Variants in TBXAS1 observed in about 807,000 individuals in gnomAD.
TBXAS1 encodes thromboxane-A synthase.
A neutral mutation model predicts 60.7 loss-of-function variants in TBXAS1; 48 were observed. The observed-to-expected ratio is 0.79, with a 90% confidence interval of 0.63 to 1.01. The LOEUF is 1.01. Ranked by LOEUF, TBXAS1 falls within the 50% of genes least tolerant of loss-of-function variation. TBXAS1 has a pLI of 0.00. For synonymous variants in TBXAS1, 287 were observed against 269.7 expected (o/e 1.06, Z -0.63); for missense variants, 685 against 686.3 (o/e 1.00, Z 0.02).
At chr7:139,969,283 A>C (rs898804456) in intron 9 of TBXAS1, among the ~76,000 whole-genome samples, 6 of 152,160 alleles carry the variant, frequency 3.9e-5, no homozygotes, top group Non-Finnish European at 5.9e-5. Context: ...TGTAACCATT[A>C]TAAATATCTA....
chr7:139,839,181 T>A lies in TBXAS1; in HGVS notation c.89+9702T>A, dbSNP rs375754409. On this transcript the variant is annotated intron_variant, in intron 1 of 12. Coordinates refer to ENST00000448866, the MANE Select transcript of TBXAS1 (RefSeq NM_001061.7). ...TGGATTTCTTTCTGGGATGGGGTTG[T>A]GGGTGATTTCTTTTCCCTTCTTTTA... Among the ~76,000 whole-genome samples the A allele has an allele frequency of 9.9e-5, 15 of 152,284 alleles. No homozygotes were observed. In the South Asian group the frequency reaches 3.1e-3, roughly 32 times the overall value.
intron 11 of TBXAS1, among the ~76,000 whole-genome samples, chr7:140,016,131 A>G (rs1393180827): frequency 2.0e-5 from 3 of 152,048 alleles, no homozygotes; most frequent in Non-Finnish European, 2.9e-5. Flanking sequence ...GATCGAGACC[A>G]TCCTGGCTAA....
intron 1 of TBXAS1, among the ~76,000 whole-genome samples, chr7:139,832,594 C>G (rs1365417197): frequency 6.6e-6 from 1 of 152,180 alleles, no homozygotes; most frequent in South Asian, 2.1e-4. Flanking sequence ...CATCCAAATA[C>G]AAGAAGCACA....
chr7:139,866,632 C>T (rs1451156927), intron 1 of TBXAS1, among the ~76,000 whole-genome samples: 2 of 151,582 alleles, frequency 1.3e-5, no homozygotes, highest in South Asian at 4.2e-4. Context: ...GTTGCGCACA[C>T]CTGTAGTCCC....
At chr7:139,842,130 GT>G (rs1799491008) in intron 1 of TBXAS1, among the ~76,000 whole-genome samples, 2 of 152,128 alleles carry the variant, frequency 1.3e-5, no homozygotes, top group South Asian at 2.1e-4. Context: ...ATACGAGTTG[GT>G]TTTTGGTTTT....
intron 1 of TBXAS1, among the ~76,000 whole-genome samples, chr7:139,860,463 T>G (rs1800884296): frequency 6.6e-6 from 1 of 152,240 alleles, no homozygotes; most frequent in Non-Finnish European, 1.5e-5. Flanking sequence ...CCTCTGGAAC[T>G]TGTGAATGCA....
At position 139,918,536 on chromosome 7, in the gene TBXAS1, T is replaced by C. The variant is rs80191862; in HGVS notation, c.333+7215T>C. On this transcript the variant is annotated intron_variant, in intron 4 of 12. Transcript: ENST00000448866. ...TGCTGAGATCTGTTGGAGAGTTTCC[T>C]GCAAAGATAAGAGTTAACAAGCCCC... is the stretch of plus-strand genomic sequence containing the variant. Among the ~76,000 whole-genome samples, 216 of 152,310 alleles carry C rather than the reference T, an allele frequency of 1.4e-3. 4 individuals are homozygous for C. The East Asian group carries it at 0.034, about 24-fold the overall frequency.
rs531712426 is a variant in TBXAS1, at chr7:139,982,826, C to T, written c.1134+20593C>T. ...GGTTTTTTAAAATCTACTTTACAAA[C>T]GAGGAAATGTATCGGGTTCCTTAAG... On this transcript the variant is annotated intron_variant, in intron 9 of 12. Transcript: ENST00000448866. Among the ~76,000 whole-genome samples the T allele has an allele frequency of 7.9e-5, 12 of 152,202 alleles. No homozygotes were observed. In the South Asian group the frequency reaches 1.9e-3, roughly 24 times the overall value.
upstream of TBXAS1, among the ~76,000 whole-genome samples, chr7:139,826,039 T>G (rs1798428321): frequency 6.6e-6 from 1 of 152,184 alleles, no homozygotes; most frequent in African/African-American, 2.4e-5. Context: ...TTTCTGAGCA[T>G]CTTGGTTATA....
chr7:139,876,478 G>A (rs763977834), intron 3 of TBXAS1, among the ~76,000 whole-genome samples: 2 of 152,028 alleles, frequency 1.3e-5, no homozygotes, highest in East Asian at 3.9e-4. Flanking sequence ...TAGACCTCTG[G>A]GTCAGCGATC....
intron 3 of TBXAS1, among the ~76,000 whole-genome samples, chr7:139,880,972 A>G (rs1308997626): frequency 6.6e-6 from 1 of 152,222 alleles, no homozygotes; most frequent in African/African-American, 2.4e-5. Flanking sequence ...TGTGGTCACA[A>G]TTTTAAATCT....
At position 139,849,215 on chromosome 7, in the gene TBXAS1, C is replaced by T. The variant is rs574809518; in HGVS notation, c.89+19736C>T. On this transcript the variant is annotated intron_variant, in intron 1 of 12. Transcript: ENST00000448866. ...GCAATATAGGAAGTCTCCGTCTCTACAGAAAATACAACAATTAGCCAGGTG... is the reference window on the plus strand; with the variant it reads ...GCAATATAGGAAGTCTCCGTCTCTATAGAAAATACAACAATTAGCCAGGTG... Among the ~76,000 whole-genome samples the T allele has an allele frequency of 9.9e-5, 15 of 151,936 alleles. No homozygotes were observed. The South Asian group carries it at 3.1e-3, about 32-fold the overall frequency.
chr7:139,982,013 G>A (rs919346239), intron 9 of TBXAS1, among the ~76,000 whole-genome samples: 4 of 152,194 alleles, frequency 2.6e-5, no homozygotes, highest in Non-Finnish European at 5.9e-5. Flanking sequence ...GTAGTTTGAA[G>A]CAGTTAAAAG....
At chr7:139,823,611 G>A (rs1798358910) in intron 4 of TBXAS1, among the ~76,000 whole-genome samples, 1 of 152,072 alleles carries the variant, frequency 6.6e-6, no homozygotes, top group Non-Finnish European at 1.5e-5. Flanking sequence ...GTAAACATCA[G>A]AATAAACGAT....
intron 5 of TBXAS1, among the ~76,000 whole-genome samples, chr7:139,943,843 T>A (rs1055805252): frequency 6.6e-6 from 1 of 152,150 alleles, no homozygotes; most frequent in Non-Finnish European, 1.5e-5. Flanking sequence ...GGTCACCAGT[T>A]TAGAGCACTT....
rs117262762 is a variant in TBXAS1 at position 139,891,862 on chromosome 7, G to T, written c.236+16225G>T. 6.2e-3 allele frequency among the ~76,000 whole-genome samples: 941 copies of T among 152,238 alleles called. 1 individual carries two copies. The highest frequency in any genetic ancestry group is 0.01 in the Middle Eastern group (3 of 294). On this transcript the variant is annotated intron_variant, in intron 3 of 12. Transcript: ENST00000448866. ...ATTTGGGTAATGGTACTATTTTACT[G>T]GAGACAAATAAAAGGAATTAGGGGG...
intron 12 of TBXAS1, among the ~76,000 whole-genome samples, chr7:140,019,490 A>T (rs548494777): frequency 6.6e-6 from 1 of 152,152 alleles, no homozygotes; most frequent in Admixed American, 6.5e-5. Context: ...CTGCTCAGAC[A>T]AGTGCTGGGG....
At chr7:139,888,552 T>C (rs1803294024) in intron 3 of TBXAS1, among the ~76,000 whole-genome samples, 1 of 152,220 alleles carries the variant, frequency 6.6e-6, no homozygotes, top group African/African-American at 2.4e-5. Context: ...ACACTCCTGC[T>C]TCATGACTGT....
intron 4 of TBXAS1, chr7:139,913,946 T>C (rs1569512915): frequency 6.6e-6 from 1 of 152,472 alleles, no homozygotes; most frequent in Non-Finnish European, 1.5e-5. Flanking sequence ...ACCTCTGCCT[T>C]GCTCACGCTG....
Sources: gnomAD v4.1 joint callset for allele counts (sites outside exome capture counted in the v4.1 genomes callset) on GRCh38, gnomAD v4.1.1 for gene constraint, MANE v1.5 for transcripts, NCBI Gene and HGNC (gene_info 2026-07-23, HGNC 2026-07-21) for gene names.